RABGAP1L: variants seen among roughly 807,000 people sequenced by gnomAD.
RABGAP1L encodes the protein RAB GTPase activating protein 1 like, also known as rab GTPase-activating protein 1-like.
Under a neutral mutation model 137.7 loss-of-function variants are expected in RABGAP1L, and 63 were observed. That is an observed-to-expected ratio of 0.46 (90% CI 0.37 to 0.56). RABGAP1L has a LOEUF of 0.56. RABGAP1L is among the 20% of genes least tolerant of loss of function. The probability of loss-of-function intolerance (pLI) is 0.00; values close to 1 mark genes in which losing one functional copy is unlikely to be tolerated. For synonymous variants in RABGAP1L, 431 were observed against 433.7 expected, an observed-to-expected ratio of 0.99 and a Z score of 0.08; for missense variants, 1,095 against 1,244.0, an observed-to-expected ratio of 0.88 and a Z score of 1.80.
intron 1 of RABGAP1L, among the ~76,000 whole-genome samples, chr1:174,213,811 T>C (rs1349759710): frequency 6.6e-6 from 1 of 152,118 alleles, no homozygotes; most frequent in African/African-American, 2.4e-5. Context: ...TAAAAACCCT[T>C]AAAGAACTGG....
intron 18 of RABGAP1L, among the ~76,000 whole-genome samples, chr1:174,756,683 C>CA (rs1258481577): frequency 6.6e-6 from 1 of 151,938 alleles, no homozygotes; most frequent in Admixed American, 6.6e-5. Flanking sequence ...AGTGAGAATC[C>CA]AAAAAAGTTA....
At chr1:174,516,509 A>G (rs1323494263) in intron 13 of RABGAP1L, among the ~76,000 whole-genome samples, 2 of 152,026 alleles carry the variant, frequency 1.3e-5, no homozygotes, top group Non-Finnish European at 2.9e-5. Flanking sequence ...GTGAGCCACC[A>G]TGTCTGGCCC....
chr1:174,429,771 A>G (rs1017063577), intron 13 of RABGAP1L, among the ~76,000 whole-genome samples: 1 of 151,998 alleles, frequency 6.6e-6, no homozygotes. Flanking sequence ...AAATAAAGAT[A>G]AACCAGTGGA....
intron 13 of RABGAP1L, among the ~76,000 whole-genome samples, chr1:174,423,396 CTT>C (rs1651579792): frequency 6.6e-6 from 1 of 152,134 alleles, no homozygotes. Flanking sequence ...TAAAAAATAT[CTT>C]TTGGCAGCAT....
chr1:174,714,745 G>A (rs763642341), intron 17 of RABGAP1L, among the ~76,000 whole-genome samples: 3 of 152,120 alleles, frequency 2.0e-5, no homozygotes. Context: ...ACACTCGTCT[G>A]TATTATTCTC....
At chr1:174,446,972 T>C (rs958357794) in intron 13 of RABGAP1L, among the ~76,000 whole-genome samples, 1 of 152,196 alleles carries the variant, frequency 6.6e-6, no homozygotes, top group African/African-American at 2.4e-5. Flanking sequence ...TCTAACTTTA[T>C]ATTTACATAT....
intron 13 of RABGAP1L, among the ~76,000 whole-genome samples, chr1:174,517,577 G>T (rs1327510964): frequency 6.6e-6 from 1 of 152,128 alleles, no homozygotes; most frequent in Non-Finnish European, 1.5e-5. Context: ...CACTGTAGAA[G>T]TACCTGTTAA....
At chr1:174,510,723 G>T (rs1029966537) in intron 13 of RABGAP1L, among the ~76,000 whole-genome samples, 3 of 152,048 alleles carry the variant, frequency 2.0e-5, no homozygotes, top group African/African-American at 7.2e-5. Context: ...ACCCAAACAT[G>T]TACTGAAGGA....
At chr1:174,503,089 A>C (rs112138692) in intron 13 of RABGAP1L, among the ~76,000 whole-genome samples, 6 of 152,276 alleles carry the variant, frequency 3.9e-5, no homozygotes, top group African/African-American at 1.4e-4. Flanking sequence ...CTGTATTCTC[A>C]TCTTCCATGT....
At chr1:174,343,541 A>G (rs758228099) in intron 11 of RABGAP1L, among the ~76,000 whole-genome samples, 41 of 152,196 alleles carry the variant, frequency 2.7e-4, no homozygotes, top group Admixed American at 9.2e-4. Flanking sequence ...AGCAAGTTTT[A>G]AATATTTATC....
chr1:174,665,334 G>GCCTT lies in RABGAP1L; in HGVS notation c.1825-18174_1825-18171dup, dbSNP rs201028292. Among the ~76,000 whole-genome samples the GCCTT allele has an allele frequency of 2.4e-3, 359 of 151,636 alleles. 2 individuals carry two copies. The highest frequency in any genetic ancestry group is 0.017 in the East Asian group (89 of 5,156). ...CCTTAGTCTGCCTGCCTGCCTGCCT[G>GCCTT]CCTTCCTTCCTTCCTTCTTTTCCTT... On this transcript the variant is annotated intron_variant, in intron 14 of 25. Coordinates refer to ENST00000681986, the MANE Select transcript of RABGAP1L (RefSeq NM_001366446.1).
Position 174,222,438 on chromosome 1 carries a change from A to G in RABGAP1L, c.331+1274A>G, listed in dbSNP as rs565307112. 2.0e-5 allele frequency among the ~76,000 whole-genome samples: 3 copies of G among 152,346 alleles called. No homozygotes were observed. The South Asian group carries it at 6.2e-4, about 32-fold the overall frequency. On this transcript the variant is annotated intron_variant, in intron 3 of 25. Coordinates refer to ENST00000681986, the MANE Select transcript of RABGAP1L (RefSeq NM_001366446.1). ...AATCACAGTGCCTTCCATGGCAAGGATGATTAAGCATTAGAAAAATCTTTC... is the reference window on the plus strand; with the variant it reads ...AATCACAGTGCCTTCCATGGCAAGGGTGATTAAGCATTAGAAAAATCTTTC...
intron 18 of RABGAP1L, among the ~76,000 whole-genome samples, chr1:174,767,521 A>G (rs545055726): frequency 8.5e-6 from 1 of 117,776 alleles, no homozygotes; most frequent in Non-Finnish European, 1.9e-5. Flanking sequence ...AATACAACTG[A>G]CTTTCCTTTT....
chr1:174,474,777 A>C (rs1658321209), intron 13 of RABGAP1L, among the ~76,000 whole-genome samples: 1 of 151,682 alleles, frequency 6.6e-6, no homozygotes, highest in African/African-American at 2.4e-5. Flanking sequence ...TAATTTTTGT[A>C]TTTTTAGTAG....
At chr1:174,833,418 G>A (rs1390671466) in intron 19 of RABGAP1L, among the ~76,000 whole-genome samples, 2 of 92,782 alleles carry the variant, frequency 2.2e-5, no homozygotes, top group Non-Finnish European at 5.1e-5. Context: ...GTATGTGTGT[G>A]TGTGTATATA....
At chr1:174,729,879 A>T (rs561179025) in intron 17 of RABGAP1L, among the ~76,000 whole-genome samples, 1 of 152,216 alleles carries the variant, frequency 6.6e-6, no homozygotes, top group Admixed American at 6.5e-5. Flanking sequence ...TGGGAATGTA[A>T]ATTCAGTTCA....
At chr1:174,910,532 TC>T (rs929947596) in intron 19 of RABGAP1L, among the ~76,000 whole-genome samples, 10 of 152,124 alleles carry the variant, frequency 6.6e-5, no homozygotes, top group South Asian at 2.1e-4. Context: ...CCACTTTTTT[TC>T]AACGTAACAG....
intron 13 of RABGAP1L, among the ~76,000 whole-genome samples, chr1:174,507,877 A>ATT (rs1661976113): frequency 2.0e-5 from 3 of 152,182 alleles, no homozygotes; most frequent in Admixed American, 2.0e-4. Context: ...ATAATGCAAG[A>ATT]TTTTTAAATG....
Position 174,774,560 on chromosome 1 carries a change from T to C in RABGAP1L, c.2211+22206T>C, listed in dbSNP as rs141823069. ...AAAAAACAAAGGAAGATTTTTTTTT[T>C]TTCTATTTAGAAAGAGAGTGCATAA... On this transcript the variant is annotated intron_variant, in intron 18 of 25. Transcript: ENST00000681986. 4.5e-4 allele frequency among the ~76,000 whole-genome samples: 69 copies of C among 152,206 alleles called. No individual in the cohort carries two copies. In the East Asian group the frequency reaches 0.011, roughly 24 times the overall value.
Sources: allele counts gnomAD v4.1 joint callset (sites outside exome capture counted in the v4.1 genomes callset), GRCh38; gene constraint gnomAD v4.1.1; transcripts MANE v1.5; gene names NCBI Gene and HGNC (gene_info 2026-07-23, HGNC 2026-07-21).